PIH1D1: variants seen among roughly 807,000 people sequenced by gnomAD.
PIH1D1 encodes the protein PIH1 domain containing 1.
In PIH1D1, 28 loss-of-function variants were observed where a neutral mutation model predicts 38.5. That is an observed-to-expected ratio of 0.73 (90% CI 0.54 to 1.00). The LOEUF (loss-of-function observed/expected upper bound fraction) is 1.00, where lower values mean the gene tolerates loss of function less well. Ranked by LOEUF, PIH1D1 falls within the 50% of genes least tolerant of loss-of-function variation. The pLI is 0.00. For missense variants in PIH1D1, 343 were observed against 369.9 expected (o/e 0.93, Z 0.60); for synonymous variants, 155 against 153.5 (o/e 1.01, Z -0.07).
At chr19:49,451,019 CCATTTCT>C (rs1470395078) in intron 1 of PIH1D1, 171 bp from the exon 2 acceptor site, 28 of 1,186,976 alleles carry the variant, frequency 2.4e-5, no homozygotes, top group Middle Eastern at 2.3e-4. Context: ...AACCCCATTC[CCATTTCT>C]TTTTTTTTTT....
rs758200457 is a variant in PIH1D1 at position 49,449,616 on chromosome 19, A to T, written c.196T>A (p.Phe66Ile). 7.4e-6 allele frequency: 12 copies of T among 1,613,904 alleles called. No individual in the cohort carries two copies. Among genetic ancestry groups the T allele is most frequent in the Non-Finnish European group, 1.0e-5 (12 of 1,179,990 alleles). Residue 66 changes from phenylalanine to isoleucine, a missense_variant, in exon 3 of 9, where the codon TTC (phenylalanine) becomes ATC (isoleucine). By Grantham distance (21) the Phe-to-Ile change is conservative. Transcript: ENST00000262265. ...IKTNSSEGKV[F>I]INICHSPSIP... is the part of the protein sequence containing the mutation. ...GAGGGGGAGTGGCAGATGTTGATGA[A>T]AACCTTCCCTTCCGAGGAGTTGGTC...
Position 49,449,477 on chromosome 19 carries a change from G to C in PIH1D1, c.335C>G (p.Ala112Gly). The change falls in exon 3 of 9, where the codon GCA becomes GGA. Residue 112 changes from alanine (A) to glycine (G), a missense_variant and splice_region_variant. Physicochemically the swap from Ala to Gly is moderately conservative, Grantham distance 60. Coordinates refer to ENST00000262265, the MANE Select transcript of PIH1D1 (RefSeq NM_017916.3). ...CTGGGTCCTCTGAGGGCACTGACTTGCATCCAGTTCTGCATGAGGCTCTCC... is the reference window on the plus strand; with the variant it reads ...CTGGGTCCTCTGAGGGCACTGACTTCCATCCAGTTCTGCATGAGGCTCTCC... ...SLGEPHAELD[A>G]KGQGCTAYDV... 4 of 1,614,014 alleles carry C rather than the reference G, an allele frequency of 2.5e-6. No homozygotes were observed. Among genetic ancestry groups the C allele is most frequent in the Non-Finnish European group, 3.4e-6 (4 of 1,179,892 alleles).
In PIH1D1 at chr19:49,448,046, G is replaced by C; in HGVS notation, c.354C>G (p.Thr118=). The C allele has an allele frequency of 6.2e-7, 1 of 1,614,192 alleles. No homozygotes were observed. Among genetic ancestry groups the C allele is most frequent in the Non-Finnish European group, 8.5e-7 (1 of 1,180,030 alleles). Residue 118 remains threonine, a synonymous_variant, in exon 4 of 9, where the codon ACC becomes ACG. Coordinates refer to ENST00000262265, the MANE Select transcript of PIH1D1 (RefSeq NM_017916.3). ...CGCTGTTGACAGCTACGTCGTAGGC[G>C]GTACATCCCTGGCCTTCTGCGGGGA... is the stretch of plus-strand genomic sequence containing the variant. ...AELDAKGQGC[T]AYDVAVNSDF...
rs768356184 is a variant in PIH1D1, at chr19:49,446,636, G to A, written c.746C>T (p.Pro249Leu). The A allele has an allele frequency of 6.2e-7, 1 of 1,607,022 alleles. No individual in the cohort carries two copies. The highest frequency in any genetic ancestry group is 2.2e-5 in the East Asian group (1 of 44,772). ...AGCGTCTAGATGATACAGCTGCTGG[G>A]GGCCCCCCATCACCAGGCGGTTCTC... ...IGENRLVMGG[P>L]QQLYHLDAYI... The change falls in exon 8 of 9, where the codon CCC becomes CTC. Residue 249 changes from proline (P) to leucine (L), a missense_variant. Coordinates refer to ENST00000262265, the MANE Select transcript of PIH1D1 (RefSeq NM_017916.3).
rs1376349102 is a variant in PIH1D1 at position 49,447,715 on chromosome 19, G to T, written c.481+112C>A. ...GGCGTCCAGACTCCACCCCCTCCTA[G>T]TAGCACAGACTCCAGGGCACCCTGC... On this transcript the variant is annotated intron_variant, in intron 5 of 8. Transcript: ENST00000262265. 3.5e-6 allele frequency: 4 copies of T among 1,151,816 alleles called. No homozygotes were observed. In the African/African-American group the frequency reaches 4.6e-5, roughly 13 times the overall value. 71.3% of individuals were successfully genotyped at this position (1,151,816 alleles called of 1,614,324 possible).
chr19:49,447,550 C>T, intron 5 of PIH1D1, 83 bp from the exon 6 acceptor site: 1 of 1,528,186 alleles, frequency 6.5e-7, no homozygotes, highest in Non-Finnish European at 8.9e-7. Flanking sequence ...ATAGGCTCCA[C>T]CGGCTCACCA....
Position 49,451,646 on chromosome 19 carries a change from A to T in PIH1D1, c.-72T>A, listed in dbSNP as rs1355286505. On this transcript the variant is annotated 5_prime_UTR_variant, in exon 1 of 9. Transcript: ENST00000262265. ...AAACTTTGCCCAGGATCCGAACCCC[A>T]GTGCCTGCTCTGGCCCTCAATCGAC... 2 of 1,585,934 alleles carry T rather than the reference A, an allele frequency of 1.3e-6. No homozygotes were observed. The highest frequency in any genetic ancestry group is 1.7e-6 in the Non-Finnish European group (2 of 1,169,976).
chr19:49,446,561 C>T lies in PIH1D1; in HGVS notation c.821G>A (p.Arg274Gln), dbSNP rs965002159. The change falls in exon 8 of 9, where the codon CGG becomes CAG. Residue 274 changes from arginine to glutamine, a missense_variant. By Grantham distance (43) the Arg-to-Gln change is conservative (BLOSUM62 1). Transcript: ENST00000262265. ...NSHESKAAFHRKRKQLMVAMP... is the reference protein window; with the variant it reads ...NSHESKAAFHQKRKQLMVAMP... ...CCCTCCCCCAGGCACCTTTCTCTTCCGGTGGAAGGCTGCCTTGCTCTCATG... is the reference window on the plus strand; with the variant it reads ...CCCTCCCCCAGGCACCTTTCTCTTCTGGTGGAAGGCTGCCTTGCTCTCATG... 6 of 1,614,004 alleles carry T rather than the reference C, an allele frequency of 3.7e-6. 1 individual carries two copies. The highest frequency in any genetic ancestry group is 3.3e-5 in the Admixed American group (2 of 60,016).
At position 49,446,701 on chromosome 19, in the gene PIH1D1, A is replaced by G; in HGVS notation, c.688-7T>C. The G allele has an allele frequency of 6.5e-7, 1 of 1,543,624 alleles. No homozygotes were observed. The highest frequency in any genetic ancestry group is 1.3e-5 in the South Asian group (1 of 78,906). On this transcript the variant is annotated splice_region_variant and splice_polypyrimidine_tract_variant and intron_variant, in intron 7 of 8. Coordinates refer to ENST00000262265, the MANE Select transcript of PIH1D1 (RefSeq NM_017916.3). ...ACAGCCCCAGGGCTCCATCCTGGAG[A>G]GGTGGCGGAATCAGGTCACCCTCCC...
In PIH1D1 at chr19:49,451,814, C is replaced by G. The variant is rs965000036; in HGVS notation, c.-240G>C. The G allele has an allele frequency of 1.4e-5, 17 of 1,191,366 alleles. No homozygotes were observed. The highest frequency in any genetic ancestry group is 2.4e-4 in the Middle Eastern group (1 of 4,198). The allele number at this position is 1,191,366 out of a possible 1,614,324, so 73.8% of individuals were successfully genotyped here. ...TCCGTCCTACGTGCCGAACTGTAAACGAAGCCACACTTCCGGTCTATCGGT... is the reference window on the plus strand; with the variant it reads ...TCCGTCCTACGTGCCGAACTGTAAAGGAAGCCACACTTCCGGTCTATCGGT... On this transcript the variant is annotated 5_prime_UTR_variant, in exon 1 of 9. Coordinates refer to ENST00000262265, the MANE Select transcript of PIH1D1 (RefSeq NM_017916.3).
At chr19:49,447,762 T>G in intron 5 of PIH1D1, 65 bp downstream of exon 5, 1 of 1,510,612 alleles carries the variant, frequency 6.6e-7, no homozygotes, top group Non-Finnish European at 9.2e-7. Context: ...CCTCCTCTCC[T>G]AGGGGTGTTC....
chr19:49,447,599 C>T, intron 5 of PIH1D1, 132 bp from the exon 6 acceptor site: 1 of 1,147,864 alleles, frequency 8.7e-7, no homozygotes, highest in Non-Finnish European at 1.2e-6. Flanking sequence ...AGGCTTGGCT[C>T]CAGGAAGCCC....
intron 3 of PIH1D1, chr19:49,448,990 G>A (rs1211877002): frequency 9.5e-6 from 3 of 315,608 alleles, no homozygotes; most frequent in African/African-American, 6.5e-5. Flanking sequence ...TCAGGAGTCT[G>A]AGACCAGCCA....
In PIH1D1 at chr19:49,451,810, T is replaced by C. The variant is rs1017918150; in HGVS notation, c.-236A>G. ...ACCCTCCGTCCTACGTGCCGAACTG[T>C]AAACGAAGCCACACTTCCGGTCTAT... On this transcript the variant is annotated 5_prime_UTR_variant, in exon 1 of 9. Coordinates refer to ENST00000262265, the MANE Select transcript of PIH1D1 (RefSeq NM_017916.3). 2.5e-5 allele frequency: 31 copies of C among 1,248,602 alleles called. No homozygotes were observed. Among genetic ancestry groups the C allele is most frequent in the Non-Finnish European group, 3.1e-5 (30 of 953,810 alleles). 77.3% of individuals were successfully genotyped at this position (1,248,602 alleles called of 1,614,324 possible).
rs1326029433 is a variant in PIH1D1 at position 49,451,696 on chromosome 19, A to G, written c.-122T>C. 2 of 1,470,796 alleles carry G rather than the reference A, an allele frequency of 1.4e-6. No individual in the cohort carries two copies. Among genetic ancestry groups the G allele is most frequent in the Non-Finnish European group, 1.8e-6 (2 of 1,113,726 alleles). 91.1% of individuals were successfully genotyped at this position (1,470,796 alleles called of 1,614,324 possible). Reference sequence around the variant, plus strand: ...CTCCGGATACCTACTATCCTGTTCAAAAACCTAAGACTGGCCTAAGACTAC... The same window carrying G: ...CTCCGGATACCTACTATCCTGTTCAGAAACCTAAGACTGGCCTAAGACTAC... On this transcript the variant is annotated 5_prime_UTR_variant, in exon 1 of 9. Transcript: ENST00000262265.
At chr19:49,449,792 CTCTTTTT>C in intron 2 of PIH1D1, 138 bp from the exon 3 acceptor site, 8 of 549,774 alleles carry the variant, frequency 1.5e-5, no homozygotes, top group Non-Finnish European at 2.5e-5. Flanking sequence ...TCCCTCACTT[CTCTTTTT>C]TTTTTTTTTT....
chr19:49,446,561 C>G lies in PIH1D1; in HGVS notation c.821G>C (p.Arg274Pro). 3.1e-6 allele frequency: 5 copies of G among 1,614,004 alleles called. No homozygotes were observed. The Middle Eastern group carries it at 4.9e-4, about 160-fold the overall frequency. Reference protein sequence around the residue: ...NSHESKAAFHRKRKQLMVAMP... With the variant: ...NSHESKAAFHPKRKQLMVAMP... ...CCCTCCCCCAGGCACCTTTCTCTTCCGGTGGAAGGCTGCCTTGCTCTCATG... is the reference window on the plus strand; with the variant it reads ...CCCTCCCCCAGGCACCTTTCTCTTCGGGTGGAAGGCTGCCTTGCTCTCATG... The change falls in exon 8 of 9, where the codon CGG (arginine) becomes CCG (proline). Residue 274 changes from arginine to proline, a missense_variant. Arg to Pro is a moderately radical substitution (Grantham distance 103, BLOSUM62 -2). Transcript: ENST00000262265.
chr19:49,447,846 G>A lies in PIH1D1; in HGVS notation c.462C>T (p.Tyr154=), dbSNP rs567903610. 13 of 1,614,054 alleles carry A rather than the reference G, an allele frequency of 8.1e-6. No homozygotes were observed. Among genetic ancestry groups the A allele is most frequent in the Non-Finnish European group, 9.3e-6 (11 of 1,180,020 alleles). Residue 154 remains tyrosine (Y), a synonymous_variant, in exon 5 of 9, where the codon TAC becomes TAT. Coordinates refer to ENST00000262265, the MANE Select transcript of PIH1D1 (RefSeq NM_017916.3). ...CCTCACCCGGATTCAGCTGCAAGTT[G>A]TATTTGTCCTCAAGGCCCTCCCTGG... The part of the protein sequence containing the change: ...TIAREGLEDK[Y]NLQLNPEWRM...
rs766982109 is a variant in PIH1D1 at position 49,447,817 on chromosome 19, TG to T, written c.481+9del. 4.3e-6 allele frequency: 7 copies of T among 1,613,118 alleles called. No homozygotes were observed. Among genetic ancestry groups the T allele is most frequent in the Non-Finnish European group, 5.9e-6 (7 of 1,179,048 alleles). ...CACTCTTTCCCGAGGGCCCAGGACC[TG>T]CCCCTCACCCGGATTCAGCTGCAAG... On this transcript the variant is annotated intron_variant, in intron 5 of 8. Coordinates refer to ENST00000262265, the MANE Select transcript of PIH1D1 (RefSeq NM_017916.3).
Sources: allele counts gnomAD v4.1 joint callset, GRCh38; gene constraint gnomAD v4.1.1; transcripts MANE v1.5; gene names NCBI Gene and HGNC (gene_info 2026-07-23, HGNC 2026-07-21).